The following TTN variants were observed in gnomAD, a reference collection of about 807,000 sequenced individuals.
The protein encoded by TTN is titin.
TTN carries 1,525 observed loss-of-function variants against 3,223.0 expected under a neutral mutation model. The ratio of observed to expected loss-of-function variants is 0.47; its 90% CI spans 0.45 to 0.49. TTN has a LOEUF of 0.49. Among genes scored for constraint, TTN ranks in the 20% least tolerant of loss-of-function variants. The probability of loss-of-function intolerance (pLI) is 0.00; values close to 1 mark genes in which losing one functional copy is unlikely to be tolerated. For synonymous variants in TTN, 14,094 were observed against 15,161.0 expected, an observed-to-expected ratio of 0.93 and a Z score of 5.17; for missense variants, 40,786 against 43,424.0, an observed-to-expected ratio of 0.94 and a Z score of 5.40.
intron 311 of TTN, 79 bp downstream of exon 311, chr2:178,584,197 C>G: frequency 6.8e-7 from 1 of 1,466,190 alleles, no homozygotes; most frequent in Non-Finnish European, 9.1e-7. Flanking sequence ...TCTTGGAGTC[C>G]AAATCTTAGA....
intron 74 of TTN, 32 bp from the exon 75 acceptor site, chr2:178,723,356 C>A: frequency 5.6e-6 from 9 of 1,603,570 alleles, no homozygotes; most frequent in Non-Finnish European, 7.7e-6. Flanking sequence ...CAGTTAAACA[C>A]AAGAAAAACA....
intron 148 of TTN, 29 bp downstream of exon 148, chr2:178,675,892 T>C (rs1440881935): frequency 6.3e-7 from 1 of 1,593,422 alleles, no homozygotes; most frequent in East Asian, 2.2e-5. Flanking sequence ...GGAAATGGCA[T>C]AGTCTAATTT....
At chr2:178,757,227 A>ACACTGTACTTGCTTTAAGTACAGTAAG (rs1182075269) in intron 45 of TTN, among the ~76,000 whole-genome samples, 163 of 150,274 alleles carry the variant, frequency 1.1e-3, no homozygotes, top group Admixed American at 2.2e-3. Context: ...ACAGTAAGTA[A>ACACTGTACTTGCTTTAAGTACAGTAAG]TAATCAGCAA....
Position 178,568,935 on chromosome 2 carries a change from A to G in TTN, c.77197T>C (p.Tyr25733His). The G allele has an allele frequency of 6.2e-7, 1 of 1,613,406 alleles. No individual in the cohort carries two copies. Among genetic ancestry groups the G allele is most frequent in the Non-Finnish European group, 8.5e-7 (1 of 1,179,594 alleles). The change falls in exon 326 of 363, where the codon TAT becomes CAT. Residue 25733 changes from tyrosine to histidine, a missense_variant. By Grantham distance (83) the Tyr-to-His change is moderately conservative (BLOSUM62 2). Transcript: ENST00000589042. ...EHDGGSKIIQYIVEMQAKHSE... is the reference protein window; with the variant it reads ...EHDGGSKIIQHIVEMQAKHSE... ...TGTTTAGCTTGCATTTCCACAATAT[A>G]CTGAATGATTTTACTGCCACCATCA...
In TTN at chr2:178,779,996, T is replaced by C. The variant is rs1170576212; in HGVS notation, c.3729+4A>G. ...GTTTGGTTGGTCATTACTTTTATACTCACCTGATCTTCTACATAAGTTCTG... is the reference window on the plus strand; with the variant it reads ...GTTTGGTTGGTCATTACTTTTATACCCACCTGATCTTCTACATAAGTTCTG... On this transcript the variant is annotated splice_donor_region_variant and intron_variant, in intron 22 of 362. Transcript: ENST00000589042. The C allele has an allele frequency of 6.2e-7, 1 of 1,611,184 alleles. No homozygotes were observed. The highest frequency in any genetic ancestry group is 8.5e-7 in the Non-Finnish European group (1 of 1,179,094).
At position 178,774,920 on chromosome 2, in the gene TTN, C is replaced by A; in HGVS notation, c.6790+1G>T. 4 of 1,613,486 alleles carry A rather than the reference C, an allele frequency of 2.5e-6. No individual in the cohort carries two copies. Among genetic ancestry groups the A allele is most frequent in the Non-Finnish European group, 3.4e-6 (4 of 1,179,786 alleles). On this transcript the variant is annotated splice_donor_variant, in intron 29 of 362. Transcript: ENST00000589042. LOFTEE classifies it high-confidence loss of function. ...CAATGAAATCCTTCGTTGTTGAATA[C>A]CTTCAACAATAAGTTTAGCAGTCGT...
rs752456528 is a variant in TTN at position 178,764,782 on chromosome 2, G to A, written c.9733C>T (p.Leu3245Phe). 2 of 1,613,648 alleles carry A rather than the reference G, an allele frequency of 1.2e-6. No individual in the cohort carries two copies. Among genetic ancestry groups the A allele is most frequent in the Non-Finnish European group, 1.7e-6 (2 of 1,179,904 alleles). ...CCAGACTGCACAGTGACAGGCTGGA[G>A]CTCCTGCAGAACTTGGGGCGGTTCA... ...APEPPQVLQE[L>F]QPVTVQSGKP... The change falls in exon 42 of 363, where the codon CTC becomes TTC. Residue 3245 changes from leucine to phenylalanine, a missense_variant. Physicochemically the swap from Leu to Phe is conservative, Grantham distance 22 (BLOSUM62 0). Coordinates refer to ENST00000589042, the MANE Select transcript of TTN (RefSeq NM_001267550.2).
rs1181007878 is a variant in TTN at position 178,636,736 on chromosome 2, C to G, written c.40991G>C (p.Gly13664Ala). The G allele has an allele frequency of 6.2e-7, 1 of 1,612,416 alleles. No individual in the cohort carries two copies. The highest frequency in any genetic ancestry group is 1.3e-5 in the African/African-American group (1 of 74,864). Residue 13664 changes from glycine to alanine, a missense_variant, in exon 225 of 363, where the codon GGT (glycine) becomes GCT (alanine). By Grantham distance (60) the Gly-to-Ala change is moderately conservative. Coordinates refer to ENST00000589042, the MANE Select transcript of TTN (RefSeq NM_001267550.2). The surrounding 1 kb of genome is among the most constrained non-coding windows in gnomAD (Gnocchi z 4.3). ...AERRKLRPGS[G>A]GEKPPDEAPF... The stretch of plus-strand genomic sequence containing the variant: ...GGCTTCATCAGGAGGTTTCTCTCCA[C>G]CACTTCCTGGCCTTAACTTTCTCCT...
rs770552574 is a variant in TTN, at chr2:178,729,095, C to T, written c.18943G>A (p.Val6315Met). 1.2e-5 allele frequency: 20 copies of T among 1,611,590 alleles called. No homozygotes were observed. The highest frequency in any genetic ancestry group is 4.5e-5 in the East Asian group (2 of 44,724). The change falls in exon 65 of 363, where the codon GTG becomes ATG. Residue 6315 changes from valine (V) to methionine (M), a missense_variant. Transcript: ENST00000589042. ...ATAGAAATAGGAGGAGAACCTGCCA[C>T]GGTACTCTGAAAGGTGGCAGAACTT... The part of the protein sequence containing the change: ...LKSSATFQST[V>M]AGSPPISITW...
In TTN at chr2:178,635,677, G is replaced by T; in HGVS notation, c.41647C>A (p.Gln13883Lys). 1 of 1,601,874 alleles carries T rather than the reference G, an allele frequency of 6.2e-7. No individual in the cohort carries two copies. Residue 13883 changes from glutamine (Q) to lysine (K), a missense_variant, in exon 227 of 363, where the codon CAG becomes AAG. By Grantham distance (53) the Gln-to-Lys change is moderately conservative. Coordinates refer to ENST00000589042, the MANE Select transcript of TTN (RefSeq NM_001267550.2). ...RDWLVKPIRD[Q>K]HVKPKGTAIF... ...GCTGTCCCCTTGGGTTTCACATGCT[G>T]GTCTCGTATAGGTTTCACCAGCCAA...
intron 236 of TTN, 55 bp from the exon 237 acceptor site, chr2:178,631,355 A>G: frequency 2.0e-6 from 3 of 1,517,358 alleles, no homozygotes; most frequent in Non-Finnish European, 1.8e-6. Context: ...GGAAATGACA[A>G]TCTCTTGGAA....
chr2:178,708,245 G>C (rs1031889089), intron 99 of TTN, among the ~76,000 whole-genome samples: 1 of 152,156 alleles, frequency 6.6e-6, no homozygotes, highest in Admixed American at 6.6e-5. Context: ...AGGAAAGAAA[G>C]CTAGCATTTG....
Position 178,729,380 on chromosome 2 carries a change from G to C in TTN, c.18776C>G (p.Thr6259Ser), listed in dbSNP as rs72648949. The change falls in exon 64 of 363, where the codon ACC (threonine) becomes AGC (serine). Residue 6259 changes from threonine (T) to serine (S), a missense_variant. By Grantham distance (58) the Thr-to-Ser change is moderately conservative. Transcript: ENST00000589042. ...CCCAGTGTCTGAAGGGTCACACTTGGTTATATGGAGGTTAAACACAGACAC... is the reference window on the plus strand; with the variant it reads ...CCCAGTGTCTGAAGGGTCACACTTGCTTATATGGAGGTTAAACACAGACAC... ...DRVSVFNLHI[T>S]KCDPSDTGEY... 4,431 of 1,613,572 alleles carry C rather than the reference G, an allele frequency of 2.7e-3. 17 individuals are homozygous for C. Among genetic ancestry groups the C allele is most frequent in the Middle Eastern group, 0.013 (77 of 6,052 alleles).
In TTN at chr2:178,569,406, T is replaced by G; in HGVS notation, c.76726A>C (p.Ser25576Arg). Residue 25576 changes from serine (S) to arginine (R), a missense_variant, in exon 326 of 363, where the codon AGT becomes CGT. Coordinates refer to ENST00000589042, the MANE Select transcript of TTN (RefSeq NM_001267550.2). ...LVLDNVNRYD[S>R]GKYTLTLENS... ...TCTAATGTAAGCGTATATTTTCCAC[T>G]ATCATATCGGTTGACATTGTCAAGA... 6.2e-7 allele frequency: 1 copy of G among 1,613,346 alleles called. No individual in the cohort carries two copies. Among genetic ancestry groups the G allele is most frequent in the South Asian group, 1.1e-5 (1 of 91,018 alleles).
rs12997957 is a variant in TTN at position 178,711,674 on chromosome 2, C to T, written c.27886+270G>A. 0.16 allele frequency among the ~76,000 whole-genome samples: 24,719 copies of T among 152,014 alleles called. 2,307 individuals are homozygous for T. The highest frequency in any genetic ancestry group is 0.43 in the East Asian group (2,224 of 5,156). On this transcript the variant is annotated intron_variant, in intron 96 of 362. Coordinates refer to ENST00000589042, the MANE Select transcript of TTN (RefSeq NM_001267550.2). ...TCTAGCAATTTGCATGAGATACTTA[C>T]GGGGTGGAATTTAAAAATATATGGT...
chr2:178,730,184 A>G lies in TTN; in HGVS notation c.18216T>C (p.Phe6072=), dbSNP rs771681205. ...TTCCAGAATCGGTAGCTTTGGCTGC[A>G]AAGAGCTCTAGACTGGTAGAGGTGT... The part of the protein sequence containing the change: ...KDDTSTSLEL[F]AAKATDSGTY... The change falls in exon 62 of 363, where the codon TTT becomes TTC. Residue 6072 remains phenylalanine (F), a synonymous_variant. Coordinates refer to ENST00000589042, the MANE Select transcript of TTN (RefSeq NM_001267550.2). 1.9e-6 allele frequency: 3 copies of G among 1,613,472 alleles called. No individual in the cohort carries two copies. Among genetic ancestry groups the G allele is most frequent in the Non-Finnish European group, 2.5e-6 (3 of 1,179,672 alleles).
chr2:178,604,585 A>G (rs1293822714), intron 281 of TTN, 123 bp downstream of exon 281: 5 of 1,122,104 alleles, frequency 4.5e-6, no homozygotes, highest in Admixed American at 2.9e-5. Context: ...TACAATAACA[A>G]AATAACAGCT....
Position 178,679,427 on chromosome 2 carries a change from A to G in TTN, c.33665-11T>C. ...TAGGAACCTCAGGCACTTTAAAGAT[A>G]TTGTTTATTGTTAAGTTCTAACTAC... On this transcript the variant is annotated splice_polypyrimidine_tract_variant and intron_variant, in intron 141 of 362. Coordinates refer to ENST00000589042, the MANE Select transcript of TTN (RefSeq NM_001267550.2). 1.2e-6 allele frequency: 2 copies of G among 1,611,456 alleles called. No individual in the cohort carries two copies. Among genetic ancestry groups the G allele is most frequent in the Non-Finnish European group, 8.5e-7 (1 of 1,178,796 alleles).
At chr2:178,746,343 T>C (rs2083543744) in intron 47 of TTN, 1 of 1,612,292 alleles carries the variant, frequency 6.2e-7, no homozygotes, top group African/African-American at 1.3e-5. Flanking sequence ...TCTACAAAAT[T>C]AAATGGAAGA....
Sources: allele counts gnomAD v4.1 joint callset (sites outside exome capture counted in the v4.1 genomes callset), GRCh38; gene constraint gnomAD v4.1.1; non-coding constraint Gnocchi (gnomAD v3.1); transcripts MANE v1.5; gene names NCBI Gene and HGNC (gene_info 2026-07-23, HGNC 2026-07-21).